Variants in CHRM3 observed in about 807,000 individuals in gnomAD.
The protein encoded by CHRM3 is muscarinic acetylcholine receptor M3.
Under a neutral mutation model 41.8 loss-of-function variants are expected in CHRM3, and 11 were observed. That is an observed-to-expected ratio of 0.26 (90% CI 0.17 to 0.44). The LOEUF is 0.44. Ranked by LOEUF, CHRM3 falls within the 20% of genes least tolerant of loss-of-function variation. The pLI, the probability that CHRM3 is intolerant of heterozygous loss-of-function variation, is 1.00. For missense variants in CHRM3, 571 were observed against 745.4 expected (o/e 0.77, Z 2.72); for synonymous variants, 297 against 301.4 (o/e 0.99, Z 0.15).
intron 1 of CHRM3, among the ~76,000 whole-genome samples, chr1:239,419,260 T>G (rs1313968145): frequency 6.6e-6 from 1 of 152,170 alleles, no homozygotes; most frequent in Non-Finnish European, 1.5e-5. Context: ...TGAAATTTGC[T>G]GATTTGACTT....
intron 1 of CHRM3, among the ~76,000 whole-genome samples, chr1:239,477,825 G>A (rs191149332): frequency 9.8e-4 from 150 of 152,328 alleles, no homozygotes; most frequent in African/African-American, 3.5e-3. Flanking sequence ...AGAGGAGCAG[G>A]AGAGCTGAGT....
At chr1:239,828,137 C>T (rs537318170) in intron 6 of CHRM3, among the ~76,000 whole-genome samples, 1 of 152,306 alleles carries the variant, frequency 6.6e-6, no homozygotes, top group Non-Finnish European at 1.5e-5. Flanking sequence ...AATACACGCA[C>T]ACAAATACAC....
chr1:239,725,457 C>CCTGATGTTTTTTTTTTTTTTTTTTTTTTT (rs1558489215), intron 5 of CHRM3, among the ~76,000 whole-genome samples: 3 of 151,652 alleles, frequency 2.0e-5, no homozygotes, highest in African/African-American at 7.3e-5. Flanking sequence ...GCAGGATATA[C>CCTGATGTTTTTTTTTTTTTTTTTTTTTTT]TTTTTGTTTC....
intron 5 of CHRM3, among the ~76,000 whole-genome samples, chr1:239,797,864 A>G (rs1446820911): frequency 6.6e-6 from 1 of 152,132 alleles, no homozygotes; most frequent in African/African-American, 2.4e-5. Context: ...CGTGGCCAAC[A>G]TAGTGAGGCC....
intron 5 of CHRM3, among the ~76,000 whole-genome samples, chr1:239,813,849 G>A (rs1342176155): frequency 7.2e-6 from 1 of 139,002 alleles, no homozygotes; most frequent in African/African-American, 2.9e-5. Flanking sequence ...CCCGGGAGGC[G>A]GAGCTTGCAG....
chr1:239,878,026 G>A (rs563380870), intron 6 of CHRM3, among the ~76,000 whole-genome samples: 1 of 151,862 alleles, frequency 6.6e-6, no homozygotes. Flanking sequence ...GAGTAGCTGG[G>A]ACTACAGGTG....
rs1311588873 is a variant in CHRM3, at chr1:239,872,244, G to A, written c.-19-35189G>A. Among the ~76,000 whole-genome samples, 117 of 152,140 alleles carry A rather than the reference G, an allele frequency of 7.7e-4. 2 individuals are homozygous for A. Among genetic ancestry groups the A allele is most frequent in the Non-Finnish European group, 8.8e-5 (6 of 68,020 alleles). On this transcript the variant is annotated intron_variant, in intron 6 of 6. Transcript: ENST00000676153. ...TTTGTAAGTCAGAAGATCTCACCTTGGTCACATTGCTACCTTTTTAGTTTT... is the reference window on the plus strand; with the variant it reads ...TTTGTAAGTCAGAAGATCTCACCTTAGTCACATTGCTACCTTTTTAGTTTT...
intron 3 of CHRM3, among the ~76,000 whole-genome samples, chr1:239,565,966 G>A (rs1661328002): frequency 6.9e-6 from 1 of 144,514 alleles, no homozygotes; most frequent in South Asian, 2.1e-4. Flanking sequence ...CCAATCTGGA[G>A]TGCAGTCGTG....
chr1:239,892,346 A>T (rs1200877741), intron 6 of CHRM3, among the ~76,000 whole-genome samples: 1 of 152,194 alleles, frequency 6.6e-6, no homozygotes, highest in African/African-American at 2.4e-5. Flanking sequence ...ATTTTCACAG[A>T]TAGGTGGTAC....
At chr1:239,635,385 T>A (rs1195365023) in intron 4 of CHRM3, among the ~76,000 whole-genome samples, 1 of 152,214 alleles carries the variant, frequency 6.6e-6, no homozygotes, top group African/African-American at 2.4e-5. Flanking sequence ...CTACTTGTAC[T>A]TTTCTCTCTT....
At chr1:239,686,109 C>T (rs189286149) in intron 5 of CHRM3, among the ~76,000 whole-genome samples, 11 of 152,342 alleles carry the variant, frequency 7.2e-5, no homozygotes, top group African/African-American at 2.4e-4. Flanking sequence ...CCTTCATGAT[C>T]TTTCTACCAT....
chr1:239,855,655 G>A (rs1425290701), intron 6 of CHRM3, among the ~76,000 whole-genome samples: 2 of 152,092 alleles, frequency 1.3e-5, no homozygotes, highest in East Asian at 1.9e-4. Context: ...TAAAATAAGG[G>A]AACAACATTT....
At chr1:239,428,942 G>T (rs1353970791) in intron 1 of CHRM3, among the ~76,000 whole-genome samples, 2 of 152,158 alleles carry the variant, frequency 1.3e-5, no homozygotes, top group Admixed American at 1.3e-4. Context: ...AAGATGCAAG[G>T]TGATCTTCTT....
chr1:239,665,352 C>G lies in CHRM3; in HGVS notation c.-249-12834C>G, dbSNP rs1252664175. ...GCACTTCCACCTTGGTCCCTCTCAT[C>G]TTGAATTTGTTGCCACTTTGCACCT... On this transcript the variant is annotated intron_variant, in intron 4 of 6. Coordinates refer to ENST00000676153, the MANE Select transcript of CHRM3 (RefSeq NM_001375978.1). Among the ~76,000 whole-genome samples, 6 of 152,020 alleles carry G rather than the reference C, an allele frequency of 3.9e-5. No individual in the cohort carries two copies. In the East Asian group the frequency reaches 1.2e-3, roughly 30 times the overall value.
At chr1:239,760,973 C>T (rs1297644231) in intron 5 of CHRM3, among the ~76,000 whole-genome samples, 2 of 73,334 alleles carry the variant, frequency 2.7e-5, no homozygotes, top group Admixed American at 3.3e-4. Context: ...GTTTTCCTCT[C>T]CCCTCGCCCA....
intron 1 of CHRM3, among the ~76,000 whole-genome samples, chr1:239,460,616 C>A (rs1004047113): frequency 1.1e-4 from 17 of 152,196 alleles, no homozygotes; most frequent in African/African-American, 4.1e-4. Flanking sequence ...TACACACCTT[C>A]TTCCAAAGAT....
chr1:239,498,416 T>C (rs563231712), intron 2 of CHRM3, among the ~76,000 whole-genome samples: 2 of 152,108 alleles, frequency 1.3e-5, no homozygotes, highest in Non-Finnish European at 2.9e-5. Context: ...CAAAAAATGG[T>C]TTATTTCATA....
chr1:239,803,724 A>C (rs950528806), intron 5 of CHRM3, among the ~76,000 whole-genome samples: 4 of 152,272 alleles, frequency 2.6e-5, no homozygotes, highest in African/African-American at 9.6e-5. Flanking sequence ...TGTGGAAGGC[A>C]GGGGGTAGGT....
At position 239,588,021 on chromosome 1, in the gene CHRM3, A is replaced by G. The variant is rs565110787; in HGVS notation, c.-313+42272A>G. Among the ~76,000 whole-genome samples the G allele has an allele frequency of 2.0e-5, 3 of 152,332 alleles. No individual in the cohort carries two copies. The South Asian group carries it at 6.2e-4, about 32-fold the overall frequency. ...TTTAAACATTCGATCAGACCAATAG[A>G]TGAGCTACACATCGCTCTGCTCTCC... On this transcript the variant is annotated intron_variant, in intron 3 of 6. Coordinates refer to ENST00000676153, the MANE Select transcript of CHRM3 (RefSeq NM_001375978.1).
Sources: gnomAD v4.1 joint callset for allele counts (sites outside exome capture counted in the v4.1 genomes callset) on GRCh38, gnomAD v4.1.1 for gene constraint, MANE v1.5 for transcripts, NCBI Gene and HGNC (gene_info 2026-07-23, HGNC 2026-07-21) for gene names.